Variants in PLXNA4 observed in about 807,000 individuals in gnomAD.
PLXNA4 encodes the protein plexin A4.
Under a neutral mutation model 191.8 loss-of-function variants are expected in PLXNA4, and 44 were observed. That is an observed-to-expected ratio of 0.23 (90% CI 0.18 to 0.29). PLXNA4 has a LOEUF of 0.29. PLXNA4 is among the 10% of genes least tolerant of loss of function. The pLI is 1.00. For synonymous variants in PLXNA4, 1,082 were observed against 1,009.5 expected (o/e 1.07, Z -1.36); for missense variants, 1,800 against 2,488.8 (o/e 0.72, Z 5.89).
chr7:132,320,119 A>G (rs1267880424), intron 3 of PLXNA4, among the ~76,000 whole-genome samples: 1 of 152,264 alleles, frequency 6.6e-6, no homozygotes, highest in Non-Finnish European at 1.5e-5. Context: ...TAAGATGGCA[A>G]CACAAACAAA....
chr7:132,567,977 G>T (rs973521531), intron 1 of PLXNA4, among the ~76,000 whole-genome samples: 1 of 152,154 alleles, frequency 6.6e-6, no homozygotes, highest in Non-Finnish European at 1.5e-5. Flanking sequence ...GAGGAAGATA[G>T]GGTCAGTATC....
Position 132,295,888 on chromosome 7 carries a change from G to GA in PLXNA4, c.1503+2202dup, listed in dbSNP as rs556005136. Among the ~76,000 whole-genome samples the GA allele has an allele frequency of 2.9e-3, 440 of 152,176 alleles. 1 individual carries two copies. Among genetic ancestry groups the GA allele is most frequent in the African/African-American group, 9.9e-3 (413 of 41,528 alleles). ...ATATGCCTATCTCATTCAATTCTTG[G>GA]AAAAAAACTATCTGATATTATTGTC... On this transcript the variant is annotated intron_variant, in intron 4 of 31. Coordinates refer to ENST00000321063, the MANE Select transcript of PLXNA4 (RefSeq NM_020911.2).
At chr7:132,605,272 G>A (rs906832654) in intron 2 of PLXNA4, among the ~76,000 whole-genome samples, 9 of 152,176 alleles carry the variant, frequency 5.9e-5, no homozygotes, top group Non-Finnish European at 7.4e-5. Context: ...ACTTTGCCTC[G>A]TAGCCCCGGT....
intron 22 of PLXNA4, among the ~76,000 whole-genome samples, chr7:132,166,483 G>A (rs1463163578): frequency 6.6e-6 from 1 of 151,656 alleles, no homozygotes; most frequent in African/African-American, 2.4e-5. Flanking sequence ...GCCAGCTCCA[G>A]AGAGAAACTA....
At chr7:132,442,725 G>C (rs543154180) in intron 3 of PLXNA4, among the ~76,000 whole-genome samples, 2 of 152,204 alleles carry the variant, frequency 1.3e-5, no homozygotes, top group Non-Finnish European at 2.9e-5. Flanking sequence ...ACAGTCCCAG[G>C]CCAACCTGAC....
chr7:132,228,567 T>C (rs1383517972), intron 5 of PLXNA4, 98 bp from the exon 6 acceptor site: 4 of 1,506,560 alleles, frequency 2.7e-6, no homozygotes, highest in Non-Finnish European at 3.6e-6. Flanking sequence ...TCCCAGGATG[T>C]GTCCAAACTC....
chr7:132,626,988 T>C (rs1301656256), intron 2 of PLXNA4, among the ~76,000 whole-genome samples: 2 of 152,206 alleles, frequency 1.3e-5, no homozygotes, highest in Admixed American at 6.5e-5. Flanking sequence ...CAATCTATGA[T>C]GACAAGAAAA....
chr7:132,310,095 G>A (rs369102574), intron 3 of PLXNA4, among the ~76,000 whole-genome samples: 1 of 152,210 alleles, frequency 6.6e-6, no homozygotes, highest in African/African-American at 2.4e-5. Flanking sequence ...AACCAAGCTC[G>A]ACTGCTGATT....
chr7:132,236,260 C>T (rs1014475900), intron 5 of PLXNA4, among the ~76,000 whole-genome samples: 1 of 152,150 alleles, frequency 6.6e-6, no homozygotes, highest in African/African-American at 2.4e-5. Context: ...ACTCTCAACC[C>T]CTCTCTCTGC....
intron 2 of PLXNA4, among the ~76,000 whole-genome samples, chr7:132,584,443 C>T (rs982936515): frequency 1.3e-5 from 2 of 152,160 alleles, no homozygotes; most frequent in East Asian, 3.9e-4. Flanking sequence ...CCACCTCAAA[C>T]TTAAGATTAG....
At chr7:132,412,935 A>T (rs1290098537) in intron 3 of PLXNA4, among the ~76,000 whole-genome samples, 1 of 152,180 alleles carries the variant, frequency 6.6e-6, no homozygotes, top group Non-Finnish European at 1.5e-5. Flanking sequence ...GTGCCATGAC[A>T]GAGGTAAACT....
intron 3 of PLXNA4, among the ~76,000 whole-genome samples, chr7:132,311,201 T>TGTGTGTGTGTGC (rs1327681030): frequency 7.5e-6 from 1 of 133,424 alleles, no homozygotes; most frequent in African/African-American, 2.7e-5. Flanking sequence ...TGTGCGCGTG[T>TGTGTGTGTGTGC]GGCCTAAAGG....
chr7:132,629,440 G>A (rs530731706), intron 2 of PLXNA4, among the ~76,000 whole-genome samples: 20 of 152,176 alleles, frequency 1.3e-4, no homozygotes, highest in Middle Eastern at 3.4e-3. Context: ...TAATCTCCTC[G>A]GAAACATTTT....
intron 3 of PLXNA4, among the ~76,000 whole-genome samples, chr7:132,331,006 G>T (rs922619791): frequency 1.3e-5 from 2 of 152,092 alleles, no homozygotes; most frequent in Admixed American, 6.5e-5. Context: ...AAGGTTCAAG[G>T]CTCCATTCGT....
At chr7:132,590,485 G>A (rs1802586864) in intron 2 of PLXNA4, among the ~76,000 whole-genome samples, 1 of 152,210 alleles carries the variant, frequency 6.6e-6, no homozygotes, top group Admixed American at 6.5e-5. Context: ...AACCTCTGAA[G>A]TAGGGAAGCC....
At chr7:132,153,691 A>G (rs1376213605) in intron 25 of PLXNA4, among the ~76,000 whole-genome samples, 1 of 152,152 alleles carries the variant, frequency 6.6e-6, no homozygotes, top group Admixed American at 6.5e-5. Context: ...GGAGGACCCC[A>G]CTGGCCTGGC....
intron 3 of PLXNA4, among the ~76,000 whole-genome samples, chr7:132,478,440 G>T (rs1181285892): frequency 6.6e-6 from 1 of 152,174 alleles, no homozygotes. Context: ...AGAAAATCAT[G>T]GATAAGTTTT....
chr7:132,610,154 G>A lies in PLXNA4; in HGVS notation c.-87+35774C>T, dbSNP rs193006368. On this transcript the variant is annotated intron_variant, in intron 2 of 4. Transcript: ENST00000378539. ...ATTTATGGAACACTTCCAAGAACCC[G>A]AGCAGAGAGTGAAATAATGAAGGCA... 2.4e-4 allele frequency among the ~76,000 whole-genome samples: 36 copies of A among 152,276 alleles called. No homozygotes were observed. In the South Asian group the frequency reaches 2.9e-3, roughly 12 times the overall value.
intron 3 of PLXNA4, among the ~76,000 whole-genome samples, chr7:132,352,973 T>G (rs968140444): frequency 1.3e-5 from 2 of 152,164 alleles, no homozygotes. Flanking sequence ...TCCCAAAATA[T>G]TGCTCAAACA....
Sources: gnomAD v4.1 joint callset for allele counts (sites outside exome capture counted in the v4.1 genomes callset) on GRCh38, gnomAD v4.1.1 for gene constraint, MANE v1.5 for transcripts, NCBI Gene and HGNC (gene_info 2026-07-23, HGNC 2026-07-21) for gene names.